Variants in TONSL observed in about 807,000 individuals in gnomAD.
TONSL encodes tonsoku-like protein.
Under a neutral mutation model 147.1 loss-of-function variants are expected in TONSL, and 112 were observed. The ratio of observed to expected loss-of-function variants is 0.76; its 90% CI spans 0.65 to 0.89. The LOEUF (loss-of-function observed/expected upper bound fraction) is 0.89, where lower values mean the gene tolerates loss of function less well. Among genes scored for constraint, TONSL ranks in the 40% least tolerant of loss-of-function variants. The pLI, the probability that TONSL is intolerant of heterozygous loss-of-function variation, is 0.00. For missense variants in TONSL, 1,883 were observed against 1,864.6 expected, an observed-to-expected ratio of 1.01 and a Z score of -0.18; for synonymous variants, 868 against 801.5, an observed-to-expected ratio of 1.08 and a Z score of -1.40.
chr8:144,439,039 C>CT (rs2129668157), intron 11 of TONSL, among the ~76,000 whole-genome samples: 1 of 152,252 alleles, frequency 6.6e-6, no homozygotes, highest in South Asian at 2.1e-4. Flanking sequence ...GAGGCCCCCT[C>CT]TGTCCATGCG....
chr8:144,436,531 C>T, intron 16 of TONSL, 27 bp downstream of exon 16: 1 of 1,604,406 alleles, frequency 6.2e-7, no homozygotes, highest in East Asian at 2.2e-5. Context: ...GCACAGCAAC[C>T]CCAGGGACAA....
chr8:144,438,463 G>A lies in TONSL; in HGVS notation c.1653+8C>T, dbSNP rs1258309914. On this transcript the variant is annotated splice_region_variant and intron_variant, in intron 13 of 25. Coordinates refer to ENST00000409379, the MANE Select transcript of TONSL (RefSeq NM_013432.5). ...GCAGCCTGTCCCACGTCCCAGAGCG[G>A]GGCCCACCTGCCTCACAAGGTCCTG... 6.2e-7 allele frequency: 1 copy of A among 1,611,876 alleles called. No individual in the cohort carries two copies. The highest frequency in any genetic ancestry group is 1.7e-5 in the Admixed American group (1 of 59,980).
chr8:144,444,295 G>T lies in TONSL; in HGVS notation c.26-20C>A. On this transcript the variant is annotated intron_variant, in intron 1 of 25. Coordinates refer to ENST00000409379, the MANE Select transcript of TONSL (RefSeq NM_013432.5). Reference sequence around the variant, plus strand: ...TCAGCTCTGTGGGAGGAAGAGGAGGGCTGGGCCTCCGCGGCGGGGTCCGGG... The same window carrying T: ...TCAGCTCTGTGGGAGGAAGAGGAGGTCTGGGCCTCCGCGGCGGGGTCCGGG... 7.3e-7 allele frequency: 1 copy of T among 1,373,568 alleles called. No homozygotes were observed. The highest frequency in any genetic ancestry group is 1.6e-5 in the South Asian group (1 of 62,306). 85.1% of individuals were successfully genotyped at this position (1,373,568 alleles called of 1,614,324 possible). A position where few individuals can be genotyped will look rare whatever the true frequency, so the allele number is the denominator to read the frequency against.
chr8:144,435,709 G>T lies in TONSL; in HGVS notation c.2724C>A (p.Thr908=), dbSNP rs146461135. The change falls in exon 17 of 26, where the codon ACC becomes ACA. Residue 908 remains threonine, a synonymous_variant. Coordinates refer to ENST00000409379, the MANE Select transcript of TONSL (RefSeq NM_013432.5). ...LASEPPGSPS[T]PRVSEPSGDS... ...CCCCACTGGGCTCTGAGACCCTGGG[G>T]GTGCTGGGGCTCCCTGGAGGTTCTG... 1 of 1,611,772 alleles carries T rather than the reference G, an allele frequency of 6.2e-7. No individual in the cohort carries two copies. Among genetic ancestry groups the T allele is most frequent in the African/African-American group, 1.3e-5 (1 of 74,902 alleles).
At chr8:144,433,901 C>T in intron 21 of TONSL, 77 bp downstream of exon 21, 1 of 1,485,394 alleles carries the variant, frequency 6.7e-7, no homozygotes, top group Non-Finnish European at 9.0e-7. Context: ...CCCAACTACC[C>T]TAGACCACCC....
Position 144,437,012 on chromosome 8 carries a change from C to T in TONSL, c.1726+15G>A. The T allele has an allele frequency of 6.2e-7, 1 of 1,613,194 alleles. No individual in the cohort carries two copies. ...TCCACCAAGGTGCGCCAGGCTCCTT[C>T]TGTCCCTTGCTCACCTAGATGCCCG... On this transcript the variant is annotated intron_variant, in intron 14 of 25. Coordinates refer to ENST00000409379, the MANE Select transcript of TONSL (RefSeq NM_013432.5).
In TONSL at chr8:144,438,620, G is replaced by A. The variant is rs576611506; in HGVS notation, c.1563+33C>T. ...CGTGAGGAGCTGGCAGGGCTGCTGA[G>A]CGGGGTGGGTGGGGGCAGGGCACTG... On this transcript the variant is annotated intron_variant, in intron 12 of 25. Coordinates refer to ENST00000409379, the MANE Select transcript of TONSL (RefSeq NM_013432.5). 30 of 1,612,766 alleles carry A rather than the reference G, an allele frequency of 1.9e-5. No individual in the cohort carries two copies. The South Asian group carries it at 2.5e-4, about 14-fold the overall frequency.
At position 144,430,394 on chromosome 8, in the gene TONSL, C is replaced by A. The variant is rs782500925; in HGVS notation, c.3943+10G>T. 1.3e-6 allele frequency: 2 copies of A among 1,596,540 alleles called. No homozygotes were observed. The highest frequency in any genetic ancestry group is 8.5e-7 in the Non-Finnish European group (1 of 1,172,064). On this transcript the variant is annotated intron_variant, in intron 25 of 25. Coordinates refer to ENST00000409379, the MANE Select transcript of TONSL (RefSeq NM_013432.5). ...AACATGGCAGGCGTGGCCACCATAC[C>A]AGCACTCACCTGACAGGCCAAGGAA...
intron 9 of TONSL, 26 bp downstream of exon 9, chr8:144,440,692 A>C (rs756322223): frequency 2.5e-6 from 4 of 1,603,510 alleles, no homozygotes; most frequent in Non-Finnish European, 3.4e-6. Context: ...GTGAACCTGC[A>C]TTCGGGCGGG....
intron 18 of TONSL, 122 bp from the exon 19 acceptor site, chr8:144,435,292 G>C (rs144816796): frequency 1.5e-6 from 2 of 1,354,040 alleles, no homozygotes; most frequent in Non-Finnish European, 9.8e-7. Context: ...CCAGGTAGCC[G>C]GCCCCTCCTC....
intron 7 of TONSL, 124 bp from the exon 8 acceptor site, chr8:144,441,235 T>C (rs1823704975): frequency 1.5e-6 from 2 of 1,365,500 alleles, no homozygotes; most frequent in East Asian, 2.5e-5. Context: ...TGCCTGTTGG[T>C]GTGGGGGTTA....
chr8:144,435,118 A>G lies in TONSL; in HGVS notation c.2905T>C (p.Tyr969His). 2 of 1,593,880 alleles carry G rather than the reference A, an allele frequency of 1.3e-6. No homozygotes were observed. Among genetic ancestry groups the G allele is most frequent in the Non-Finnish European group, 1.7e-6 (2 of 1,171,056 alleles). The change falls in exon 19 of 26, where the codon TAC becomes CAC. Residue 969 changes from tyrosine to histidine, a missense_variant. By Grantham distance (83) the Tyr-to-His change is moderately conservative (BLOSUM62 2). Coordinates refer to ENST00000409379, the MANE Select transcript of TONSL (RefSeq NM_013432.5). ...CTGGGCAGCAGCCCGCAGGTCTGGT[A>G]GTAGCGCTGGGCCGCCTGCTCGGCC... Reference protein sequence around the residue: ...WLAEQAAQRYYQTCGLLPRLT... With the variant: ...WLAEQAAQRYHQTCGLLPRLT...
chr8:144,442,219 C>T (rs548257777), intron 6 of TONSL, 22 bp downstream of exon 6: 51 of 1,589,056 alleles, frequency 3.2e-5, no homozygotes, highest in African/African-American at 2.7e-4. Context: ...AGCCTGAGCT[C>T]GGAGCCACGC....
Position 144,428,928 on chromosome 8 carries a change from T to C in TONSL, c.*215A>G, listed in dbSNP as rs1039283304. The C allele has an allele frequency of 1.0e-5, 5 of 500,790 alleles. No homozygotes were observed. Among genetic ancestry groups the C allele is most frequent in the East Asian group, 3.8e-5 (1 of 26,646 alleles). 31.0% of individuals were successfully genotyped at this position (500,790 alleles called of 1,614,324 possible). A position where few individuals can be genotyped will look rare whatever the true frequency, so the allele number is the denominator to read the frequency against. On this transcript the variant is annotated 3_prime_UTR_variant, in exon 26 of 26. Coordinates refer to ENST00000409379, the MANE Select transcript of TONSL (RefSeq NM_013432.5). ...CCTCAGCCTCCGGAGTAGCTGGGAC[T>C]ACAGGCTTCCACCACCACGCCCGGC...
At chr8:144,434,321 T>C in intron 20 of TONSL, 42 bp from the exon 21 acceptor site, 1 of 1,454,784 alleles carries the variant, frequency 6.9e-7, no homozygotes, top group Non-Finnish European at 9.1e-7. Flanking sequence ...GGCCGGCCCT[T>C]TCTGCCCTCT....
Position 144,429,105 on chromosome 8 carries a change from A to G in TONSL, c.*38T>C. ...CGCCCGGCCAGCAGCTTCATTTATT[A>G]GGGGCTTCGGTGAGGGTGGGGAAAG... On this transcript the variant is annotated 3_prime_UTR_variant, in exon 26 of 26. Coordinates refer to ENST00000409379, the MANE Select transcript of TONSL (RefSeq NM_013432.5). 1 of 1,485,292 alleles carries G rather than the reference A, an allele frequency of 6.7e-7. No individual in the cohort carries two copies. The highest frequency in any genetic ancestry group is 8.9e-7 in the Non-Finnish European group (1 of 1,123,044). The allele number at this position is 1,485,292 out of a possible 1,614,324, so 92.0% of individuals were successfully genotyped here.
At chr8:144,442,003 C>T (rs1823737251) in intron 7 of TONSL, 34 bp downstream of exon 7, 1 of 1,593,498 alleles carries the variant, frequency 6.3e-7, no homozygotes. Context: ...CCTGCACACA[C>T]CTCCCAGGGC....
chr8:144,434,271 G>A lies in TONSL; in HGVS notation c.3094C>T (p.Gln1032Ter). Residue 1032 changes from glutamine (Q) to a stop codon, truncating the protein, a stop_gained, in exon 21 of 26, where the codon CAA (glutamine) becomes TAA (stop). Coordinates refer to ENST00000409379, the MANE Select transcript of TONSL (RefSeq NM_013432.5). LOFTEE classifies it high-confidence loss of function. ...AGCTCCACGGCCTGCAGCACCTGTT[G>A]GTGCTCCCCTGCGGGAGGGATGTGA... ...ACQSLGQGEHQQVLQAVELQG... is the reference protein window; with the variant it reads ...ACQSLGQGEH The A allele has an allele frequency of 1.3e-6, 2 of 1,509,040 alleles. No individual in the cohort carries two copies. The highest frequency in any genetic ancestry group is 1.8e-6 in the Non-Finnish European group (2 of 1,128,498). 93.5% of individuals were successfully genotyped at this position (1,509,040 alleles called of 1,614,324 possible).
chr8:144,438,663 T>G lies in TONSL; in HGVS notation c.1553A>C (p.Lys518Thr). 6.2e-7 allele frequency: 1 copy of G among 1,613,166 alleles called. No individual in the cohort carries two copies. The highest frequency in any genetic ancestry group is 8.5e-7 in the Non-Finnish European group (1 of 1,179,936). Residue 518 changes from lysine to threonine, a missense_variant, in exon 12 of 26, where the codon AAG becomes ACG. Physicochemically the swap from Lys to Thr is moderately conservative, Grantham distance 78. Coordinates refer to ENST00000409379, the MANE Select transcript of TONSL (RefSeq NM_013432.5). ...EELQGHLGRR[K>T]GSKWNRRNDM... is the part of the protein sequence containing the mutation. ...GGGCACTGTCCTCACCTTGCTCCCC[T>G]TCCGCCGGCCCAGGTGGCCCTGAAG...
Sources: allele counts gnomAD v4.1 joint callset (sites outside exome capture counted in the v4.1 genomes callset), GRCh38; gene constraint gnomAD v4.1.1; transcripts MANE v1.5; gene names NCBI Gene and HGNC (gene_info 2026-07-23, HGNC 2026-07-21).